The following RNF170 variants were observed in gnomAD, a reference collection of about 807,000 sequenced individuals.
RNF170 encodes the protein E3 ubiquitin-protein ligase RNF170.
In RNF170, 12 loss-of-function variants were observed where a neutral mutation model predicts 32.7. The ratio of observed to expected loss-of-function variants is 0.37; its 90% CI spans 0.24 to 0.60. RNF170 has a LOEUF of 0.60. RNF170 is among the 20% of genes least tolerant of loss of function. RNF170 has a pLI of 0.72. For missense variants in RNF170, 212 were observed against 311.2 expected (o/e 0.68, Z 2.40); for synonymous variants, 91 against 103.6 (o/e 0.88, Z 0.74).
rs930961704 is a variant in RNF170, at chr8:42,896,423, C to T, written c.-8+61G>A. 12 of 451,862 alleles carry T rather than the reference C, an allele frequency of 2.7e-5. No homozygotes were observed. The East Asian group carries it at 8.4e-4, about 32-fold the overall frequency. 28.0% of individuals were successfully genotyped at this position (451,862 alleles called of 1,614,324 possible). A position where few individuals can be genotyped will look rare whatever the true frequency, so the allele number is the denominator to read the frequency against. ...GAGCTACCCCAAGAAGGCCAGACCC[C>T]GCCGTCCGCGGCTCCGCGGGCCCCG... On this transcript the variant is annotated intron_variant, in intron 1 of 6. Coordinates refer to ENST00000527424, the MANE Select transcript of RNF170 (RefSeq NM_030954.4).
intron 5 of RNF170, among the ~76,000 whole-genome samples, chr8:42,862,586 G>T (rs376307344): frequency 6.6e-6 from 1 of 152,114 alleles, no homozygotes; most frequent in Non-Finnish European, 1.5e-5. Context: ...AGTGGTGGCC[G>T]ATTTAGTTTT....
At chr8:42,883,303 A>G (rs377013409) in intron 2 of RNF170, among the ~76,000 whole-genome samples, 3 of 152,162 alleles carry the variant, frequency 2.0e-5, no homozygotes, top group African/African-American at 7.2e-5. Context: ...AAATTTAAAA[A>G]TAAAAAAATA....
intron 1 of RNF170, among the ~76,000 whole-genome samples, chr8:42,888,147 C>T (rs935060672): frequency 2.0e-5 from 3 of 152,042 alleles, no homozygotes; most frequent in South Asian, 4.1e-4. Flanking sequence ...CTCACTGCAA[C>T]GTCCGCCTCC....
chr8:42,870,071 C>T lies in RNF170; in HGVS notation c.255G>A (p.Met85Ile). The change falls in exon 4 of 7, where the codon ATG (methionine) becomes ATA (isoleucine). Residue 85 changes from methionine to isoleucine, a missense_variant. Around this residue, in one of 2 missense-constraint regions of RNF170, gnomAD observed 115 missense variants for 132.3 expected, o/e 0.87. Transcript: ENST00000527424. The stretch of plus-strand genomic sequence containing the variant: ...CTTGGTGCAGGCAGATGGGACAGTA[C>T]ATGTCAGTGTAGAACTGCTGTCGAG... The part of the protein sequence containing the change: ...AATRQQFYTD[M>I]YCPICLHQAS... 6.2e-7 allele frequency: 1 copy of T among 1,614,098 alleles called. No homozygotes were observed. Among genetic ancestry groups the T allele is most frequent in the Non-Finnish European group, 8.5e-7 (1 of 1,180,000 alleles).
intron 2 of RNF170, among the ~76,000 whole-genome samples, chr8:42,876,902 G>T (rs887599628): frequency 4.0e-5 from 6 of 150,470 alleles, no homozygotes; most frequent in Non-Finnish European, 5.9e-5. Context: ...TGATCTGCCC[G>T]CCTTGGACTC....
At chr8:42,853,269 G>A, downstream of RNF170, 1 of 1,093,208 alleles carries the variant, frequency 9.1e-7, no homozygotes, top group Non-Finnish European at 1.2e-6. Flanking sequence ...GCAAACAACT[G>A]TTAAATAAAC....
intron 2 of RNF170, among the ~76,000 whole-genome samples, chr8:42,883,854 G>A (rs1005862930): frequency 6.6e-6 from 1 of 152,088 alleles, no homozygotes; most frequent in Non-Finnish European, 1.5e-5. Context: ...AGACTTGTCT[G>A]AATTTTAAAC....
At chr8:42,859,865 G>A (rs1413347826) in intron 6 of RNF170, among the ~76,000 whole-genome samples, 1 of 152,056 alleles carries the variant, frequency 6.6e-6, no homozygotes, top group Admixed American at 6.6e-5. Context: ...GCCCAGGCTG[G>A]TCTCAAACTC....
At chr8:42,872,446 T>C (rs1048319193) in intron 3 of RNF170, among the ~76,000 whole-genome samples, 9 of 152,136 alleles carry the variant, frequency 5.9e-5, no homozygotes, top group African/African-American at 2.2e-4. Flanking sequence ...AGGCTTAAAC[T>C]ATTCTGTCTT....
chr8:42,869,871 G>C (rs1355840794), intron 4 of RNF170, 133 bp downstream of exon 4: 2 of 713,108 alleles, frequency 2.8e-6, no homozygotes, highest in Non-Finnish European at 5.2e-6. Context: ...AGTAGAGCAG[G>C]ATATCAGAGG....
chr8:42,892,707 G>C (rs1337599283), intron 1 of RNF170, among the ~76,000 whole-genome samples: 1 of 149,668 alleles, frequency 6.7e-6, no homozygotes, highest in Non-Finnish European at 1.5e-5. Context: ...CTAGATTCAG[G>C]CCAGTGCTGT....
chr8:42,885,768 G>GT (rs1233272328), intron 2 of RNF170, among the ~76,000 whole-genome samples: 4 of 151,724 alleles, frequency 2.6e-5, no homozygotes, highest in Middle Eastern at 3.4e-3. Flanking sequence ...TTTTTGTTTT[G>GT]TTTTTTCTGA....
chr8:42,877,121 T>C (rs1356678966), intron 2 of RNF170, among the ~76,000 whole-genome samples: 1 of 150,452 alleles, frequency 6.6e-6, no homozygotes, highest in Admixed American at 6.7e-5. Context: ...AGAGACGGGG[T>C]TTCACTGTGT....
intron 6 of RNF170, 109 bp downstream of exon 6, chr8:42,861,636 C>T: frequency 2.2e-6 from 2 of 913,558 alleles, no homozygotes; most frequent in Non-Finnish European, 1.7e-6. Flanking sequence ...AGCTACTGTG[C>T]CTGGCCAAGA....
chr8:42,892,612 G>A (rs1055659424), intron 1 of RNF170, among the ~76,000 whole-genome samples: 1 of 151,336 alleles, frequency 6.6e-6, no homozygotes, highest in African/African-American at 2.4e-5. Flanking sequence ...TTAGTTCCAA[G>A]CATATAAAGT....
At chr8:42,857,382 A>T (rs1012869447) in intron 6 of RNF170, among the ~76,000 whole-genome samples, 4 of 152,226 alleles carry the variant, frequency 2.6e-5, no homozygotes, top group Admixed American at 2.6e-4. Flanking sequence ...CTAAAGCAAA[A>T]CAGCCTTACA....
At position 42,853,686 on chromosome 8, in the gene RNF170, C is replaced by T; in HGVS notation, c.*2473G>A. 7.8e-7 allele frequency: 1 copy of T among 1,287,008 alleles called. No homozygotes were observed. The highest frequency in any genetic ancestry group is 1.0e-6 in the Non-Finnish European group (1 of 988,616). The allele number at this position is 1,287,008 out of a possible 1,614,324, so 79.7% of individuals were successfully genotyped here. On this transcript the variant is annotated 3_prime_UTR_variant, in exon 7 of 7. Coordinates refer to ENST00000527424, the MANE Select transcript of RNF170 (RefSeq NM_030954.4). ...ATCACGGAAGTATTACTATGATGTT[C>T]AAAACTCTGATTGACTCTACTTGCT...
chr8:42,851,075 A>G (rs909813496), downstream of RNF170: 50 of 1,529,824 alleles, frequency 3.3e-5, no homozygotes, highest in South Asian at 7.3e-5. Flanking sequence ...ATCCAAATCA[A>G]CAGCCTTCCT....
chr8:42,861,811 C>T lies in RNF170; in HGVS notation c.441G>A (p.Gln147=), dbSNP rs998517156. ...TATCCTGATGCAATCTCAGAACATC[C>T]TGAGACTGATCATCTTCACCAAATA... ...LTVFGEDDQS[Q]DVLRLHQDIN... is the part of the protein sequence containing the mutation. Residue 147 remains glutamine (Q), a synonymous_variant, in exon 6 of 7, where the codon CAG becomes CAA. Transcript: ENST00000527424. The T allele has an allele frequency of 1.4e-5, 23 of 1,613,744 alleles. No individual in the cohort carries two copies. Among genetic ancestry groups the T allele is most frequent in the Non-Finnish European group, 1.7e-5 (20 of 1,179,938 alleles).
Sources: gnomAD v4.1 joint callset for allele counts (sites outside exome capture counted in the v4.1 genomes callset) on GRCh38, gnomAD v4.1.1 for gene constraint, gnomAD v4.1.1 regional missense constraint, MANE v1.5 for transcripts, NCBI Gene and HGNC (gene_info 2026-07-23, HGNC 2026-07-21) for gene names.